The following CAPZB variants were observed in gnomAD, a reference collection of about 807,000 sequenced individuals.
The protein encoded by CAPZB is F-actin-capping protein subunit beta.
Under a neutral mutation model 38.1 loss-of-function variants are expected in CAPZB, and 2 were observed. That is an observed-to-expected ratio of 0.05 (90% CI 0.02 to 0.17). The LOEUF is 0.17. Among genes scored for constraint, CAPZB ranks in the 10% least tolerant of loss-of-function variants. CAPZB has a pLI of 1.00. For missense variants in CAPZB, 161 were observed against 334.2 expected, an observed-to-expected ratio of 0.48 and a Z score of 4.04; for synonymous variants, 107 against 127.4, an observed-to-expected ratio of 0.84 and a Z score of 1.08.
intron 3 of CAPZB, among the ~76,000 whole-genome samples, chr1:19,380,220 T>C (rs1277144561): frequency 6.6e-6 from 1 of 152,008 alleles, no homozygotes; most frequent in Non-Finnish European, 1.5e-5. Flanking sequence ...GGGGAAGAGT[T>C]GCTGTGCTTG....
At chr1:19,458,978 C>A (rs1477366315) in intron 1 of CAPZB, among the ~76,000 whole-genome samples, 1 of 152,232 alleles carries the variant, frequency 6.6e-6, no homozygotes, top group Non-Finnish European at 1.5e-5. Flanking sequence ...AAACAGCTCA[C>A]CAGGTCAGGA....
At position 19,345,255 on chromosome 1, in the gene CAPZB, G is replaced by T; in HGVS notation, c.589-3C>A. On this transcript the variant is annotated splice_region_variant and splice_polypyrimidine_tract_variant and intron_variant, in intron 6 of 8. Coordinates refer to ENST00000264202, the MANE Select transcript of CAPZB (RefSeq NM_004930.5). ...CTCACAGTTTCATCCTTCTCCATCT[G>T]CAAAAGACAGAAACATTCCAAGTCA... 6.2e-7 allele frequency: 1 copy of T among 1,611,390 alleles called. No homozygotes were observed. The highest frequency in any genetic ancestry group is 1.1e-5 in the South Asian group (1 of 91,044).
At chr1:19,483,716 G>A (rs1243586840) in intron 1 of CAPZB, among the ~76,000 whole-genome samples, 6 of 152,196 alleles carry the variant, frequency 3.9e-5, no homozygotes, top group Non-Finnish European at 7.3e-5. Context: ...CTGCCCTGGA[G>A]AAGTCGTTCT....
chr1:19,374,459 G>C (rs1031876952), intron 4 of CAPZB: 1 of 152,284 alleles, frequency 6.6e-6, no homozygotes, highest in Admixed American at 6.5e-5. Context: ...GAAGCACCTG[G>C]AATCGTGAAT....
intron 3 of CAPZB, among the ~76,000 whole-genome samples, chr1:19,384,520 A>C (rs2094193860): frequency 6.6e-6 from 1 of 152,226 alleles, no homozygotes; most frequent in Non-Finnish European, 1.5e-5. Flanking sequence ...AGCGACAATA[A>C]GTGATTTGTC....
intron 1 of CAPZB, among the ~76,000 whole-genome samples, chr1:19,436,686 G>A (rs1056579610): frequency 6.6e-6 from 1 of 152,028 alleles, no homozygotes; most frequent in Non-Finnish European, 1.5e-5. Context: ...AGGGACAACT[G>A]CTATACATAC....
At chr1:19,394,678 A>G (rs1042210217) in intron 2 of CAPZB, among the ~76,000 whole-genome samples, 64 of 152,146 alleles carry the variant, frequency 4.2e-4, no homozygotes, top group African/African-American at 1.5e-3. Context: ...ATCGCGCCAC[A>G]GCACTTCAGC....
At chr1:19,438,932 C>T (rs1434659671) in intron 1 of CAPZB, among the ~76,000 whole-genome samples, 1 of 152,238 alleles carries the variant, frequency 6.6e-6, no homozygotes, top group East Asian at 1.9e-4. Flanking sequence ...AGATCATTCT[C>T]ACAGGAAGAT....
At chr1:19,454,062 G>A (rs944632334) in intron 1 of CAPZB, among the ~76,000 whole-genome samples, 4 of 152,194 alleles carry the variant, frequency 2.6e-5, no homozygotes, top group Non-Finnish European at 4.4e-5. Context: ...CCCCCAGAGT[G>A]GCCAGGGCTC....
chr1:19,346,815 GTCTT>G (rs2093963792), intron 6 of CAPZB, among the ~76,000 whole-genome samples: 1 of 126,374 alleles, frequency 7.9e-6, no homozygotes, highest in Non-Finnish European at 1.7e-5. Flanking sequence ...CCCGACTTTT[GTCTT>G]TTTTTTTTTT....
chr1:19,460,590 T>TTTC (rs943717822), intron 1 of CAPZB, among the ~76,000 whole-genome samples: 1 of 147,290 alleles, frequency 6.8e-6, no homozygotes, highest in Non-Finnish European at 1.5e-5. Context: ...TTTTTTTTTT[T>TTTC]TTTTTTTGTA....
At chr1:19,432,954 G>A (rs571546726) in intron 1 of CAPZB, among the ~76,000 whole-genome samples, 2 of 152,340 alleles carry the variant, frequency 1.3e-5, no homozygotes, top group African/African-American at 4.8e-5. Context: ...TGTCACCGTG[G>A]ATTACAGACG....
chr1:19,439,631 C>G (rs1410366528), intron 1 of CAPZB, among the ~76,000 whole-genome samples: 1 of 152,256 alleles, frequency 6.6e-6, no homozygotes, highest in Admixed American at 6.5e-5. Flanking sequence ...CAAGGATGTG[C>G]AAGTTCTCTG....
intron 1 of CAPZB, chr1:19,448,991 C>G: frequency 5.0e-6 from 8 of 1,590,994 alleles, no homozygotes; most frequent in Non-Finnish European, 6.9e-6. Context: ...GGAAACATGA[C>G]GTGACTAGGG....
At chr1:19,344,107 C>CA (rs540550298) in intron 8 of CAPZB, among the ~76,000 whole-genome samples, 158 of 152,290 alleles carry the variant, frequency 1.0e-3, no homozygotes, top group African/African-American at 3.7e-3. Context: ...GCAAGGGCAC[C>CA]AATGGCTGTT....
chr1:19,483,728 C>T (rs984270225), intron 1 of CAPZB, among the ~76,000 whole-genome samples: 3 of 152,216 alleles, frequency 2.0e-5, no homozygotes, highest in Admixed American at 6.5e-5. Flanking sequence ...AGTCGTTCTC[C>T]ATCAAGGCCT....
chr1:19,369,231 G>C (rs1419612750), intron 4 of CAPZB, among the ~76,000 whole-genome samples: 1 of 152,226 alleles, frequency 6.6e-6, no homozygotes, highest in African/African-American at 2.4e-5. Flanking sequence ...CCAGGACAGG[G>C]GGCAACATGC....
intron 1 of CAPZB, among the ~76,000 whole-genome samples, chr1:19,471,525 C>A (rs2094586914): frequency 6.6e-6 from 1 of 151,914 alleles, no homozygotes; most frequent in Non-Finnish European, 1.5e-5. Context: ...GATGGGAGGG[C>A]CCTTCGTTGG....
Position 19,404,806 on chromosome 1 carries a change from C to T in CAPZB, c.93+14855G>A, listed in dbSNP as rs562642593. Among the ~76,000 whole-genome samples, 188 of 152,276 alleles carry T rather than the reference C, an allele frequency of 1.2e-3. 1 individual carries two copies. Among genetic ancestry groups the T allele is most frequent in the African/African-American group, 4.4e-3 (183 of 41,550 alleles). ...CCAGCCGCTCCTGTCAGGGATTCCA[C>T]CACCTTCTTTGGATGATTTGCACCA... On this transcript the variant is annotated intron_variant, in intron 2 of 8. Transcript: ENST00000264202.
Sources: gnomAD v4.1 joint callset for allele counts (sites outside exome capture counted in the v4.1 genomes callset) on GRCh38, gnomAD v4.1.1 for gene constraint, MANE v1.5 for transcripts, NCBI Gene and HGNC (gene_info 2026-07-23, HGNC 2026-07-21) for gene names.